GRIK1: variants seen among roughly 807,000 people sequenced by gnomAD.
GRIK1 encodes the protein glutamate receptor ionotropic, kainate 1.
A neutral mutation model predicts 105.7 loss-of-function variants in GRIK1; 69 were observed. The ratio of observed to expected loss-of-function variants is 0.65; its 90% CI spans 0.54 to 0.80. The LOEUF (loss-of-function observed/expected upper bound fraction) is 0.80, where lower values mean the gene tolerates loss of function less well. Among genes scored for constraint, GRIK1 ranks in the 30% least tolerant of loss-of-function variants. GRIK1 has a pLI of 0.00. For missense variants in GRIK1, 1,109 were observed against 1,167.3 expected (o/e 0.95, Z 0.73); for synonymous variants, 438 against 431.3 (o/e 1.02, Z -0.19).
rs1174269790 is a variant in GRIK1, at chr21:29,561,630, G to T, written c.2350C>A (p.Pro784Thr). The change falls in exon 15 of 18, where the codon CCT (proline) becomes ACT (threonine). Residue 784 changes from proline to threonine, a missense_variant. Pro to Thr is a conservative substitution (Grantham distance 38). Around this residue, in one of 5 missense-constraint regions of GRIK1, gnomAD observed 264 missense variants for 306.9 expected, o/e 0.86. Transcript: ENST00000327783. ...TCATGTCTACCCGTCTTACCAATAG[G>T]TGTTCCCACTCCGTAACCTTTGGAG... The part of the protein sequence containing the change: ...IDSKGYGVGT[P>T]IGSPYRDKIT... The T allele has an allele frequency of 1.2e-6, 2 of 1,600,140 alleles. No homozygotes were observed. The highest frequency in any genetic ancestry group is 1.7e-6 in the Non-Finnish European group (2 of 1,167,282).
chr21:29,595,496 TAAAAAG>T (rs201805364), intron 9 of GRIK1, among the ~76,000 whole-genome samples: 1,799 of 152,162 alleles, frequency 0.012, 37 homozygotes, highest in African/African-American at 0.041. Flanking sequence ...TTTGAAAACT[TAAAAAG>T]AAAAAATTTT....
intron 1 of GRIK1, among the ~76,000 whole-genome samples, chr21:29,889,031 C>G (rs901478980): frequency 2.0e-5 from 3 of 152,166 alleles, no homozygotes; most frequent in African/African-American, 7.2e-5. Context: ...AGGAAGTTGA[C>G]TTCTCAAGGG....
At chr21:29,797,816 C>T (rs1210717933) in intron 1 of GRIK1, among the ~76,000 whole-genome samples, 2 of 152,140 alleles carry the variant, frequency 1.3e-5, no homozygotes, top group Non-Finnish European at 2.9e-5. Context: ...CAAAAAAGTA[C>T]AACGTTTTCT....
intron 1 of GRIK1, among the ~76,000 whole-genome samples, chr21:29,787,335 A>T (rs1487364049): frequency 6.6e-6 from 1 of 152,240 alleles, no homozygotes; most frequent in African/African-American, 2.4e-5. Context: ...AGTGTTAAAC[A>T]TCATGGAGTG....
intron 1 of GRIK1, among the ~76,000 whole-genome samples, chr21:29,918,999 G>C (rs1409100588): frequency 6.6e-6 from 1 of 151,768 alleles, no homozygotes; most frequent in Non-Finnish European, 1.5e-5. Context: ...GTTAGCAACA[G>C]CTCTAAGCTA....
intron 7 of GRIK1, among the ~76,000 whole-genome samples, chr21:29,627,097 T>C (rs1167290614): frequency 6.6e-6 from 1 of 152,230 alleles, no homozygotes; most frequent in Non-Finnish European, 1.5e-5. Context: ...CTCTGTAGCA[T>C]AGTTTATCAG....
At chr21:29,606,419 C>G (rs2061617677) in intron 7 of GRIK1, among the ~76,000 whole-genome samples, 1 of 152,100 alleles carries the variant, frequency 6.6e-6, no homozygotes, top group Non-Finnish European at 1.5e-5. Context: ...AGCTATTTAT[C>G]CTGATGCTTT....
chr21:29,838,722 A>C (rs528459677), intron 1 of GRIK1, among the ~76,000 whole-genome samples: 2 of 152,382 alleles, frequency 1.3e-5, no homozygotes, highest in East Asian at 3.9e-4. Context: ...GATACTGATT[A>C]CAGCAGAGAC....
At chr21:29,747,562 G>T (rs927548826) in intron 1 of GRIK1, among the ~76,000 whole-genome samples, 3 of 152,188 alleles carry the variant, frequency 2.0e-5, no homozygotes, top group Admixed American at 6.5e-5. Context: ...CAGGCCGGGT[G>T]GCTCACACCT....
At chr21:29,614,018 T>C (rs755738461) in intron 7 of GRIK1, among the ~76,000 whole-genome samples, 10 of 152,198 alleles carry the variant, frequency 6.6e-5, no homozygotes, top group Non-Finnish European at 1.5e-4. Context: ...TAATTATTCT[T>C]GGGGTCACCA....
chr21:29,933,469 G>T (rs1320308105), intron 1 of GRIK1, among the ~76,000 whole-genome samples: 2 of 152,110 alleles, frequency 1.3e-5, no homozygotes, highest in African/African-American at 2.4e-5. Context: ...GAAACAGAGT[G>T]TTTGTTTGTT....
intron 1 of GRIK1, among the ~76,000 whole-genome samples, chr21:29,755,008 G>A (rs1255575592): frequency 1.3e-5 from 2 of 152,042 alleles, no homozygotes; most frequent in African/African-American, 4.8e-5. Flanking sequence ...TTGGTTATAT[G>A]TTTCTTTCAT....
At chr21:29,582,133 A>G (rs1168769037) in intron 12 of GRIK1, among the ~76,000 whole-genome samples, 1 of 152,208 alleles carries the variant, frequency 6.6e-6, no homozygotes, top group Non-Finnish European at 1.5e-5. Context: ...AGTGTATTAG[A>G]TGTTTTTCGA....
At chr21:29,924,961 G>A (rs1489770863) in intron 1 of GRIK1, among the ~76,000 whole-genome samples, 2 of 152,226 alleles carry the variant, frequency 1.3e-5, no homozygotes, top group East Asian at 1.9e-4. Context: ...CAATCATTAC[G>A]AATGATGATG....
intron 1 of GRIK1, among the ~76,000 whole-genome samples, chr21:29,779,350 G>A (rs982208051): frequency 4.4e-4 from 67 of 152,064 alleles, no homozygotes; most frequent in Non-Finnish European, 1.8e-4. Flanking sequence ...GTGTGTGTGT[G>A]TGTGTGTGTG....
chr21:29,745,419 A>C (rs939993030), intron 1 of GRIK1, among the ~76,000 whole-genome samples: 33 of 152,256 alleles, frequency 2.2e-4, no homozygotes, highest in African/African-American at 6.3e-4. Flanking sequence ...ACTGTGAGAT[A>C]ATAAATTTGT....
rs577394079 is a variant in GRIK1 at position 29,876,986 on chromosome 21, T to G, written c.118+62397A>C. On this transcript the variant is annotated intron_variant, in intron 1 of 17. Transcript: ENST00000327783. ...AAAATGAGTTCCAAAAATAAGAGGC[T>G]TAAACACAAAATGACAGCTCAAAAG... is the stretch of plus-strand genomic sequence containing the variant. 1.6e-4 allele frequency among the ~76,000 whole-genome samples: 25 copies of G among 152,266 alleles called. No homozygotes were observed. In the South Asian group the frequency reaches 3.5e-3, roughly 21 times the overall value.
chr21:29,923,910 C>A (rs1321284640), intron 1 of GRIK1, among the ~76,000 whole-genome samples: 1 of 152,016 alleles, frequency 6.6e-6, no homozygotes, highest in African/African-American at 2.4e-5. Context: ...CCAAGATATG[C>A]AAAGTAGACT....
intron 1 of GRIK1, among the ~76,000 whole-genome samples, chr21:29,842,528 G>A (rs1601829829): frequency 1.3e-5 from 2 of 152,122 alleles, no homozygotes; most frequent in Admixed American, 6.6e-5. Flanking sequence ...AACTTCAGAC[G>A]AAAGAACATG....
Sources: gnomAD v4.1 joint callset for allele counts (sites outside exome capture counted in the v4.1 genomes callset) on GRCh38, gnomAD v4.1.1 for gene constraint, gnomAD v4.1.1 regional missense constraint, MANE v1.5 for transcripts, NCBI Gene and HGNC (gene_info 2026-07-23, HGNC 2026-07-21) for gene names.